Variants in OCIAD1 observed in about 807,000 individuals in gnomAD.
OCIAD1 encodes OCIA domain containing 1, also known as OCIA domain-containing protein 1.
A neutral mutation model predicts 38.9 loss-of-function variants in OCIAD1; 29 were observed. That is an observed-to-expected ratio of 0.74 (90% CI 0.55 to 1.02). The LOEUF (loss-of-function observed/expected upper bound fraction) is 1.02. Among genes scored for constraint, OCIAD1 ranks in the 50% least tolerant of loss-of-function variants. The pLI is 0.00. For missense variants in OCIAD1, 288 were observed against 289.6 expected, an observed-to-expected ratio of 0.99 and a Z score of 0.04; for synonymous variants, 110 against 92.0, an observed-to-expected ratio of 1.20 and a Z score of -1.12.
At chr4:48,856,332 C>T (rs1336684618) in intron 7 of OCIAD1, 2 of 152,132 alleles carry the variant, frequency 1.3e-5, no homozygotes, top group Non-Finnish European at 2.9e-5. Context: ...GGAATGAAAA[C>T]AACACATATT....
rs540350423 is a variant in OCIAD1, at chr4:48,852,026, T to C, written c.547+51T>C. ...TCAACATTTTATGGTCCAACGTATG[T>C]ATAAACTTTATTTGATGACCTTTTC... On this transcript the variant is annotated intron_variant, in intron 7 of 8. Transcript: ENST00000264312. 9.2e-6 allele frequency: 13 copies of C among 1,407,060 alleles called. 1 individual carries two copies. In the South Asian group the frequency reaches 1.5e-4, roughly 17 times the overall value. 87.2% of individuals were successfully genotyped at this position (1,407,060 alleles called of 1,614,324 possible).
chr4:48,856,359 T>C (rs1452179053), intron 7 of OCIAD1: 5 of 152,216 alleles, frequency 3.3e-5, no homozygotes, highest in African/African-American at 1.2e-4. Context: ...AAAGGCTATG[T>C]TTTATACTTT....
At chr4:48,837,449 T>C (rs1021233838) in intron 3 of OCIAD1, among the ~76,000 whole-genome samples, 4 of 151,692 alleles carry the variant, frequency 2.6e-5, no homozygotes, top group African/African-American at 9.7e-5. Context: ...CCTGCCACCA[T>C]GCTCAGCTAA....
At chr4:48,829,156 A>T (rs1777292166), upstream of OCIAD1, among the ~76,000 whole-genome samples, 1 of 151,952 alleles carries the variant, frequency 6.6e-6, no homozygotes, top group Non-Finnish European at 1.5e-5. Context: ...GCTACTCAGG[A>T]GGCTGAGGCA....
At chr4:48,811,567 A>G (rs1412579907) in intron 1 of OCIAD1, among the ~76,000 whole-genome samples, 1 of 152,192 alleles carries the variant, frequency 6.6e-6, no homozygotes, top group Non-Finnish European at 1.5e-5. Flanking sequence ...ATTCACCATT[A>G]CTGAGCCTGG....
Position 48,833,442 on chromosome 4 carries a change from G to C in OCIAD1, c.100G>C (p.Val34Leu). The change falls in exon 3 of 9, where the codon GTC (valine) becomes CTC (leucine). Residue 34 changes from valine (V) to leucine (L), a missense_variant. By Grantham distance (32) the Val-to-Leu change is conservative. Transcript: ENST00000264312. Reference protein sequence around the residue: ...DYIPTEEERRVFAECNDESFW... With the variant: ...DYIPTEEERRLFAECNDESFW... ...CATTCCAACAGAGGAAGAAAGGAGA[G>C]TCTTCGCAGAATGCAATGATGAAAG... The C allele has an allele frequency of 6.2e-7, 1 of 1,608,046 alleles. No individual in the cohort carries two copies. Among genetic ancestry groups the C allele is most frequent in the Non-Finnish European group, 8.5e-7 (1 of 1,175,110 alleles).
chr4:48,838,799 A>G (rs1431571882), intron 3 of OCIAD1, among the ~76,000 whole-genome samples: 5 of 152,180 alleles, frequency 3.3e-5, no homozygotes, highest in Non-Finnish European at 7.3e-5. Context: ...CTAAAATTAG[A>G]CTTGTTGATC....
intron 3 of OCIAD1, among the ~76,000 whole-genome samples, chr4:48,840,274 T>C (rs1469211896): frequency 1.3e-5 from 2 of 152,242 alleles, no homozygotes; most frequent in African/African-American, 4.8e-5. Context: ...TTTATTCTTA[T>C]ATGATTCTTC....
chr4:48,831,063 A>G (rs1777432632), upstream of OCIAD1: 2 of 235,878 alleles, frequency 8.5e-6, no homozygotes, highest in South Asian at 9.7e-5. Context: ...GTAAGTATAC[A>G]GTGCCTCCGG....
chr4:48,817,613 G>C (rs779864338), intron 1 of OCIAD1, among the ~76,000 whole-genome samples: 1 of 152,246 alleles, frequency 6.6e-6, no homozygotes, highest in Non-Finnish European at 1.5e-5. Context: ...CTGAAGCCAG[G>C]AAGCCAAGTG....
intron 1 of OCIAD1, among the ~76,000 whole-genome samples, chr4:48,816,249 C>T (rs115533101): frequency 7.9e-5 from 12 of 152,156 alleles, no homozygotes; most frequent in Non-Finnish European, 1.3e-4. Context: ...CATAGAAAAA[C>T]GCTAATCTTT....
At chr4:48,854,597 C>T (rs1441808567) in intron 7 of OCIAD1, among the ~76,000 whole-genome samples, 2 of 152,186 alleles carry the variant, frequency 1.3e-5, no homozygotes, top group African/African-American at 4.8e-5. Flanking sequence ...AAACAAAAAG[C>T]CCTTTGGTAT....
At chr4:48,826,356 G>A (rs1241550409), upstream of OCIAD1, among the ~76,000 whole-genome samples, 2 of 151,956 alleles carry the variant, frequency 1.3e-5, no homozygotes, top group Non-Finnish European at 2.9e-5. Context: ...CCCTGTGTCC[G>A]AGTGTTCTCA....
intron 8 of OCIAD1, among the ~76,000 whole-genome samples, chr4:48,859,405 T>C (rs992638842): frequency 6.6e-5 from 10 of 152,174 alleles, no homozygotes; most frequent in Non-Finnish European, 1.2e-4. Flanking sequence ...GGGCAGAAAG[T>C]AATATTTTTC....
chr4:48,822,945 G>C (rs185590474), intron 1 of OCIAD1, among the ~76,000 whole-genome samples: 3 of 152,174 alleles, frequency 2.0e-5, no homozygotes, highest in Non-Finnish European at 4.4e-5. Context: ...GTTGGTGGGA[G>C]TGTAAATTAG....
At chr4:48,814,512 A>C (rs1236457955) in intron 1 of OCIAD1, among the ~76,000 whole-genome samples, 1 of 152,184 alleles carries the variant, frequency 6.6e-6, no homozygotes, top group African/African-American at 2.4e-5. Flanking sequence ...AAACAAAAAT[A>C]ACATAATTTA....
chr4:48,846,758 A>AAAAGAATTG (rs1779015643), intron 4 of OCIAD1, among the ~76,000 whole-genome samples: 1 of 152,154 alleles, frequency 6.6e-6, no homozygotes, highest in Non-Finnish European at 1.5e-5. Context: ...AAAAAAAAAA[A>AAAAGAATTG]AAAGAATTGG....
chr4:48,808,466 C>T (rs2354941), intron 1 of OCIAD1, among the ~76,000 whole-genome samples: 149,284 of 152,040 alleles, frequency 0.98, 73,345 homozygotes, highest in East Asian at 1. Flanking sequence ...TGAGACCTTA[C>T]TTCCAAAAAA....
At chr4:48,844,970 T>C (rs1778851891) in intron 4 of OCIAD1, among the ~76,000 whole-genome samples, 1 of 152,188 alleles carries the variant, frequency 6.6e-6, no homozygotes, top group Non-Finnish European at 1.5e-5. Flanking sequence ...AGTTTTTTTT[T>C]TCCTAAATAT....
Sources: gnomAD v4.1 joint callset for allele counts (sites outside exome capture counted in the v4.1 genomes callset) on GRCh38, gnomAD v4.1.1 for gene constraint, MANE v1.5 for transcripts, NCBI Gene and HGNC (gene_info 2026-07-23, HGNC 2026-07-21) for gene names.